Variants in RAPGEF2 observed in about 807,000 individuals in gnomAD.
RAPGEF2 encodes PDZ domain containing guanine nucleotide exchange factor (GEF) 1.
A neutral mutation model predicts 186.7 loss-of-function variants in RAPGEF2; 54 were observed. The observed-to-expected ratio is 0.29, with a 90% CI of 0.23 to 0.36. The LOEUF is 0.36. Ranked by LOEUF, RAPGEF2 falls within the 10% of genes least tolerant of loss-of-function variation. The pLI is 1.00. For missense variants in RAPGEF2, 1,532 were observed against 2,045.0 expected (o/e 0.75, Z 4.84); for synonymous variants, 712 against 705.9 (o/e 1.01, Z -0.14).
At chr4:159,354,367 A>G (rs540303486) in intron 28 of RAPGEF2, among the ~76,000 whole-genome samples, 1 of 152,326 alleles carries the variant, frequency 6.6e-6, no homozygotes, top group African/African-American at 2.4e-5. Context: ...ATGGATTCCT[A>G]TTATTCATAG....
At chr4:159,323,740 A>G in intron 11 of RAPGEF2, 123 bp downstream of exon 11, 1 of 490,478 alleles carries the variant, frequency 2.0e-6, no homozygotes. Context: ...TTTTTTTGAG[A>G]CAGAGTATTG....
intron 2 of RAPGEF2, among the ~76,000 whole-genome samples, chr4:159,191,687 T>C (rs1400733550): frequency 1.3e-5 from 2 of 152,030 alleles, no homozygotes; most frequent in Non-Finnish European, 2.9e-5. Context: ...TGCAGTGAGC[T>C]GAGATCGCGC....
chr4:159,126,531 TAA>T (rs1553995957), intron 1 of RAPGEF2, among the ~76,000 whole-genome samples: 18 of 142,288 alleles, frequency 1.3e-4, no homozygotes, highest in African/African-American at 2.1e-4. Flanking sequence ...GTCCAGGTTT[TAA>T]AAAAAAAAAA....
At chr4:159,166,751 G>A (rs990167465) in intron 1 of RAPGEF2, among the ~76,000 whole-genome samples, 3 of 152,132 alleles carry the variant, frequency 2.0e-5, no homozygotes, top group African/African-American at 7.2e-5. Flanking sequence ...CAATAAAAAT[G>A]AACATATGAA....
intron 1 of RAPGEF2, among the ~76,000 whole-genome samples, chr4:159,110,104 A>G (rs1047488030): frequency 6.6e-6 from 1 of 152,224 alleles, no homozygotes; most frequent in African/African-American, 2.4e-5. Flanking sequence ...TGTTTGAATC[A>G]TACCAGTGCA....
intron 4 of RAPGEF2, among the ~76,000 whole-genome samples, chr4:159,235,730 C>T (rs955087975): frequency 6.6e-6 from 1 of 152,092 alleles, no homozygotes; most frequent in Non-Finnish European, 1.5e-5. Flanking sequence ...TAGAACTTCG[C>T]CAAAGATTTT....
intron 1 of RAPGEF2, among the ~76,000 whole-genome samples, chr4:159,185,826 T>TG (rs1747499141): frequency 6.6e-6 from 1 of 152,172 alleles, no homozygotes; most frequent in African/African-American, 2.4e-5. Flanking sequence ...TAAATAAAGC[T>TG]GTTAACACTT....
At chr4:159,293,831 C>T (rs186771008) in intron 7 of RAPGEF2, among the ~76,000 whole-genome samples, 8 of 152,230 alleles carry the variant, frequency 5.3e-5, no homozygotes, top group African/African-American at 1.4e-4. Context: ...GCAAAGCTTG[C>T]GTTTTCTTCC....
intron 4 of RAPGEF2, among the ~76,000 whole-genome samples, chr4:159,236,647 C>CTGTA (rs766047400): frequency 1.1e-4 from 17 of 148,146 alleles, no homozygotes; most frequent in Non-Finnish European, 2.3e-4. Flanking sequence ...TTGTCCAAGT[C>CTGTA]TGTAACCTGC....
chr4:159,256,662 C>G lies in RAPGEF2; in HGVS notation c.543+12871C>G, dbSNP rs180926408. 2.0e-5 allele frequency among the ~76,000 whole-genome samples: 3 copies of G among 152,322 alleles called. No homozygotes were observed. The East Asian group carries it at 5.8e-4, about 29-fold the overall frequency. ...TTATTGAACTAATTTATACTCCCAC[C>G]AACAATGTAAGTGTTTCTTTTTCTC... is the stretch of plus-strand genomic sequence containing the variant. On this transcript the variant is annotated intron_variant, in intron 7 of 29. Transcript: ENST00000691494.
chr4:159,295,683 G>C (rs1185619178), intron 7 of RAPGEF2, among the ~76,000 whole-genome samples: 3 of 150,412 alleles, frequency 2.0e-5, no homozygotes, highest in Non-Finnish European at 3.0e-5. Context: ...TAAAGTGATA[G>C]AATTAGTTGA....
chr4:159,342,910 T>C (rs950359211), intron 20 of RAPGEF2, 69 bp from the exon 21 acceptor site: 84 of 1,323,282 alleles, frequency 6.3e-5, no homozygotes, highest in Middle Eastern at 1.9e-4. Flanking sequence ...AGAGATGTTA[T>C]ATGTCAATAA....
intron 1 of RAPGEF2, among the ~76,000 whole-genome samples, chr4:159,173,594 A>G (rs1382099963): frequency 1.3e-5 from 2 of 152,172 alleles, no homozygotes; most frequent in African/African-American, 2.4e-5. Flanking sequence ...TGAATTGAAC[A>G]CCAAGCTGAA....
intron 7 of RAPGEF2, chr4:159,267,395 G>A (rs1757551695): frequency 4.4e-6 from 5 of 1,138,732 alleles, no homozygotes; most frequent in Non-Finnish European, 3.5e-6. Context: ...CTGTGTTTCT[G>A]TTAGTGGCTC....
At chr4:159,194,425 G>C (rs568702927) in intron 3 of RAPGEF2, among the ~76,000 whole-genome samples, 122 of 152,164 alleles carry the variant, frequency 8.0e-4, no homozygotes, top group Admixed American at 1.2e-3. Flanking sequence ...CACAATATTT[G>C]ACACAGTGGT....
intron 4 of RAPGEF2, among the ~76,000 whole-genome samples, chr4:159,238,505 T>C (rs1336311820): frequency 2.0e-5 from 3 of 152,210 alleles, no homozygotes; most frequent in African/African-American, 4.8e-5. Context: ...AAAGTTCACC[T>C]GAGGATGATT....
chr4:159,236,622 A>G (rs188777776), intron 4 of RAPGEF2, among the ~76,000 whole-genome samples: 4 of 141,658 alleles, frequency 2.8e-5, no homozygotes, highest in African/African-American at 7.8e-5. Flanking sequence ...ACATTAGACC[A>G]CTATATTTAT....
intron 4 of RAPGEF2, among the ~76,000 whole-genome samples, chr4:159,233,271 A>G (rs1752847831): frequency 6.6e-6 from 1 of 152,142 alleles, no homozygotes. Context: ...TGCTTTTACT[A>G]ATAGTTTACT....
chr4:159,246,543 T>C (rs192124698), intron 7 of RAPGEF2, among the ~76,000 whole-genome samples: 1 of 152,278 alleles, frequency 6.6e-6, no homozygotes, highest in East Asian at 1.9e-4. Context: ...TCAGTATTTC[T>C]CCTGAGATAG....
Sources: gnomAD v4.1 joint callset for allele counts (sites outside exome capture counted in the v4.1 genomes callset) on GRCh38, gnomAD v4.1.1 for gene constraint, MANE v1.5 for transcripts, NCBI Gene and HGNC (gene_info 2026-07-23, HGNC 2026-07-21) for gene names.